SASH1: variants seen among roughly 807,000 people sequenced by gnomAD.
SASH1 encodes SAM and SH3 domain-containing protein 1.
SASH1 carries 44 observed loss-of-function variants against 125.2 expected under a neutral mutation model. That is an observed-to-expected ratio of 0.35 (90% CI 0.28 to 0.45). SASH1 has a LOEUF of 0.45. Ranked by LOEUF, SASH1 falls within the 20% of genes least tolerant of loss-of-function variation. The pLI, the probability that SASH1 is intolerant of heterozygous loss-of-function variation, is 1.00. For synonymous variants in SASH1, 639 were observed against 649.1 expected (o/e 0.98, Z 0.24); for missense variants, 1,426 against 1,614.5 (o/e 0.88, Z 2.00).
At chr6:148,406,437 G>A (rs1335086662) in intron 2 of SASH1, among the ~76,000 whole-genome samples, 1 of 152,184 alleles carries the variant, frequency 6.6e-6, no homozygotes, top group Non-Finnish European at 1.5e-5. Context: ...TTTGCATACA[G>A]ATTCCTACTT....
At chr6:148,201,144 A>G in the SASH1 span, among the ~76,000 whole-genome samples, 1 of 152,216 alleles carries the variant, frequency 6.6e-6, no homozygotes, top group East Asian at 1.9e-4. Flanking sequence ...TACTGTACAT[A>G]AAATGGTCAT....
intron 4 of SASH1, among the ~76,000 whole-genome samples, chr6:148,442,588 C>A (rs1414708921): frequency 6.6e-6 from 1 of 150,542 alleles, no homozygotes; most frequent in African/African-American, 2.4e-5. Flanking sequence ...TTACTGCTGG[C>A]CTGTTTGAGA....
intron 1 of SASH1, among the ~76,000 whole-genome samples, chr6:148,294,914 G>A (rs1319333487): frequency 6.6e-6 from 1 of 152,196 alleles, no homozygotes; most frequent in Non-Finnish European, 1.5e-5. Flanking sequence ...CTTTTCCAAA[G>A]AATGGGAATT....
chr6:148,540,294 T>C (rs747589832), intron 16 of SASH1, 149 bp from the exon 17 acceptor site: 4 of 620,282 alleles, frequency 6.4e-6, no homozygotes, highest in Non-Finnish European at 1.1e-5. Flanking sequence ...GTGATCACAC[T>C]AGTTCATTTT....
At chr6:148,308,950 G>T (rs1780219902) in intron 1 of SASH1, among the ~76,000 whole-genome samples, 1 of 151,362 alleles carries the variant, frequency 6.6e-6, no homozygotes, top group Non-Finnish European at 1.5e-5. Flanking sequence ...CAGGGGTGGT[G>T]GCACACGCCT....
chr6:148,193,841 G>A, the SASH1 span, among the ~76,000 whole-genome samples: 3 of 152,176 alleles, frequency 2.0e-5, no homozygotes, highest in Non-Finnish European at 2.9e-5. Context: ...TTCTATTGAT[G>A]AAGAATACTA....
intron 1 of SASH1, among the ~76,000 whole-genome samples, chr6:148,343,938 A>G (rs1489261203): frequency 1.3e-5 from 2 of 152,232 alleles, no homozygotes; most frequent in Non-Finnish European, 2.9e-5. Context: ...GACTGGAATC[A>G]GATGGGCGAG....
chr6:148,509,226 C>T (rs1041428233), intron 8 of SASH1: 18 of 255,184 alleles, frequency 7.1e-5, no homozygotes, highest in African/African-American at 4.0e-4. Context: ...ATCTGATTGG[C>T]TTCCTTCTCT....
chr6:148,474,341 A>G, intron 7 of SASH1, 119 bp downstream of exon 7: 2 of 604,590 alleles, frequency 3.3e-6, no homozygotes, highest in Non-Finnish European at 5.9e-6. Flanking sequence ...TAAAATATTT[A>G]TTCTGTTTAC....
chr6:148,421,146 G>GAAGAAAGAAAGAAAGAAAGA (rs751049278), intron 2 of SASH1, among the ~76,000 whole-genome samples: 87 of 71,228 alleles, frequency 1.2e-3, no homozygotes, highest in Middle Eastern at 0.013. Flanking sequence ...AGGAAGGAAG[G>GAAGAAAGAAAGAAAGAAAGA]AAGAAAGAAA....
chr6:148,326,331 T>TATATATATATATATATATGC (rs1780801787), intron 1 of SASH1, among the ~76,000 whole-genome samples: 1 of 62,786 alleles, frequency 1.6e-5, no homozygotes. Flanking sequence ...TGCATATATA[T>TATATATATATATATATATGC]ATATATATAT....
At chr6:148,496,428 T>C (rs1484152520) in intron 8 of SASH1, among the ~76,000 whole-genome samples, 5 of 152,232 alleles carry the variant, frequency 3.3e-5, no homozygotes, top group Admixed American at 3.3e-4. Context: ...GTTTGACTTG[T>C]AATATGACCA....
chr6:148,338,997 C>CTT (rs1482632217), upstream of SASH1, among the ~76,000 whole-genome samples: 2 of 101,954 alleles, frequency 2.0e-5, no homozygotes, highest in Non-Finnish European at 3.6e-5. Flanking sequence ...GAGCGAGACT[C>CTT]TGTCTTTAAA....
chr6:148,460,134 G>A (rs73013190), intron 4 of SASH1, among the ~76,000 whole-genome samples: 8,862 of 152,258 alleles, frequency 0.058, 366 homozygotes, highest in East Asian at 0.12. Context: ...TATGTCTAAT[G>A]CAATTAGCAG....
intron 1 of SASH1, among the ~76,000 whole-genome samples, chr6:148,298,815 A>G (rs1779850896): frequency 8.0e-6 from 1 of 124,704 alleles, no homozygotes; most frequent in African/African-American, 3.4e-5. Flanking sequence ...AAGAAAAAAG[A>G]GAGGGAGGGA....
chr6:148,265,742 C>A, the SASH1 span, among the ~76,000 whole-genome samples: 2 of 152,152 alleles, frequency 1.3e-5, no homozygotes, highest in East Asian at 1.9e-4. Context: ...GTGCCCAAGC[C>A]TTCTGATGCC....
At chr6:148,399,467 C>T (rs904167260) in intron 2 of SASH1, among the ~76,000 whole-genome samples, 1 of 151,982 alleles carries the variant, frequency 6.6e-6, no homozygotes, top group Non-Finnish European at 1.5e-5. Flanking sequence ...CTCAGGTGAG[C>T]CACCCGCGTC....
chr6:148,244,124 C>A, the SASH1 span, among the ~76,000 whole-genome samples: 2 of 152,178 alleles, frequency 1.3e-5, no homozygotes, highest in Non-Finnish European at 1.5e-5. Context: ...AAATAACCCA[C>A]AATTTTGTTC....
At chr6:148,507,591 G>A (rs956605619) in intron 8 of SASH1, among the ~76,000 whole-genome samples, 2 of 152,064 alleles carry the variant, frequency 1.3e-5, no homozygotes, top group African/African-American at 4.8e-5. Flanking sequence ...GGCTGGTCTC[G>A]AACTCCTGGC....
Sources: allele counts gnomAD v4.1 joint callset (sites outside exome capture counted in the v4.1 genomes callset), GRCh38; gene constraint gnomAD v4.1.1; transcripts MANE v1.5; gene names NCBI Gene and HGNC (gene_info 2026-07-23, HGNC 2026-07-21).